CFAP20: variants seen among roughly 807,000 people sequenced by gnomAD.
CFAP20 encodes the protein cilia- and flagella-associated protein 20.
A neutral mutation model predicts 25.5 loss-of-function variants in CFAP20; 14 were observed. That is an observed-to-expected ratio of 0.55 (90% CI 0.36 to 0.86). CFAP20 has a LOEUF of 0.86. Among genes scored for constraint, CFAP20 ranks in the 40% least tolerant of loss-of-function variants. The probability of loss-of-function intolerance (pLI) is 0.01; values close to 1 mark genes in which losing one functional copy is unlikely to be tolerated. For synonymous variants in CFAP20, 75 were observed against 91.1 expected (o/e 0.82, Z 1.01); for missense variants, 181 against 248.0 (o/e 0.73, Z 1.81).
chr16:58,129,182 C>G lies in CFAP20; in HGVS notation c.-67G>C. 1 of 1,547,312 alleles carries G rather than the reference C, an allele frequency of 6.5e-7. No homozygotes were observed. Among genetic ancestry groups the G allele is most frequent in the Non-Finnish European group, 8.8e-7 (1 of 1,131,704 alleles). The stretch of plus-strand genomic sequence containing the variant: ...TAGGCCCCGGAGTAGATACAGGCAC[C>G]GAGCGTCGAGGGCACAGCAGCAGGC... On this transcript the variant is annotated 5_prime_UTR_variant, in exon 1 of 6. Coordinates refer to ENST00000262498, the MANE Select transcript of CFAP20 (RefSeq NM_013242.3).
chr16:58,114,040 A>G lies in CFAP20; in HGVS notation c.577-10T>C. Reference sequence around the variant, plus strand: ...ACAATTCCAGTTATTGCTGAAGGGAAAAAACAGAGAAGTGGCATCAGTTTA... The same window carrying G: ...ACAATTCCAGTTATTGCTGAAGGGAGAAAACAGAGAAGTGGCATCAGTTTA... On this transcript the variant is annotated splice_polypyrimidine_tract_variant and intron_variant, in intron 5 of 5. Transcript: ENST00000262498. 3 of 1,613,576 alleles carry G rather than the reference A, an allele frequency of 1.9e-6. No individual in the cohort carries two copies. Among genetic ancestry groups the G allele is most frequent in the Non-Finnish European group, 2.5e-6 (3 of 1,179,472 alleles).
chr16:58,115,629 G>T (rs1960447330), intron 3 of CFAP20, 172 bp from the exon 4 acceptor site: 1 of 712,458 alleles, frequency 1.4e-6, no homozygotes, highest in African/African-American at 1.8e-5. Flanking sequence ...CCCGGAAGTA[G>T]CAAGTTTATC....
intron 5 of CFAP20, among the ~76,000 whole-genome samples, 158 bp downstream of exon 5, chr16:58,114,652 T>A (rs1960432595): frequency 6.6e-6 from 1 of 152,142 alleles, no homozygotes; most frequent in Admixed American, 6.5e-5. Context: ...CATTCCTGAT[T>A]CAGTGCTGGA....
intron 1 of CFAP20, among the ~76,000 whole-genome samples, chr16:58,124,004 TG>T (rs1960575649): frequency 6.6e-6 from 1 of 151,480 alleles, no homozygotes; most frequent in South Asian, 2.1e-4. Flanking sequence ...GCTTGTGGGG[TG>T]GTGAGGGGCA....
At position 58,116,045 on chromosome 16, in the gene CFAP20, A is replaced by G; in HGVS notation, c.272T>C (p.Val91Ala). The part of the protein sequence containing the change: ...KNLKKYFTFE[V>A]QVLDDKNVRR... ...CATTCATGTACACATACTTACCTGC[A>G]CTTCGAAGGTAAAATACTTCTTCAG... is the stretch of plus-strand genomic sequence containing the variant. Residue 91 changes from valine (V) to alanine (A), a missense_variant, in exon 3 of 6, where the codon GTG becomes GCG. Transcript: ENST00000262498. 1 of 1,597,040 alleles carries G rather than the reference A, an allele frequency of 6.3e-7. No homozygotes were observed. Among genetic ancestry groups the G allele is most frequent in the Non-Finnish European group, 8.6e-7 (1 of 1,164,546 alleles).
At chr16:58,114,406 A>G (rs1960427845) in intron 5 of CFAP20, among the ~76,000 whole-genome samples, 1 of 152,082 alleles carries the variant, frequency 6.6e-6, no homozygotes, top group African/African-American at 2.4e-5. Flanking sequence ...GGCGCCTGTA[A>G]TCCCAGCTAC....
At chr16:58,128,143 T>C (rs540066033) in intron 1 of CFAP20, among the ~76,000 whole-genome samples, 1 of 152,314 alleles carries the variant, frequency 6.6e-6, no homozygotes, top group South Asian at 2.1e-4. Context: ...GGAATTTGCA[T>C]GAAGAACGAA....
chr16:58,116,813 T>G (rs978977136), intron 2 of CFAP20, 59 bp downstream of exon 2: 2 of 1,496,424 alleles, frequency 1.3e-6, no homozygotes, highest in African/African-American at 2.8e-5. Flanking sequence ...TATTAACCTC[T>G]ATGACGTACT....
intron 1 of CFAP20, among the ~76,000 whole-genome samples, chr16:58,122,722 T>C (rs1960550963): frequency 6.6e-6 from 1 of 152,242 alleles, no homozygotes; most frequent in Non-Finnish European, 1.5e-5. Flanking sequence ...ATTCTACTAC[T>C]GAAAACAGCA....
chr16:58,117,337 G>A (rs749667718), intron 1 of CFAP20, among the ~76,000 whole-genome samples: 1 of 152,194 alleles, frequency 6.6e-6, no homozygotes, highest in Non-Finnish European at 1.5e-5. Context: ...TTGGCACCCC[G>A]GAACTGCAAA....
Position 58,114,929 on chromosome 16 carries a change from G to C in CFAP20, c.466-9C>G, listed in dbSNP as rs778788618. 2 of 1,601,070 alleles carry C rather than the reference G, an allele frequency of 1.2e-6. No homozygotes were observed. Among genetic ancestry groups the C allele is most frequent in the African/African-American group, 1.3e-5 (1 of 74,600 alleles). On this transcript the variant is annotated splice_polypyrimidine_tract_variant and intron_variant, in intron 4 of 5. Transcript: ENST00000262498. ...CGACAATTTGCATGGATCTGTCAAG[G>C]CAATGCTTCTTTTGAGAGGCGAAAT...
At chr16:58,115,136 G>T in intron 4 of CFAP20, 133 bp downstream of exon 4, 3 of 1,311,964 alleles carry the variant, frequency 2.3e-6, no homozygotes, top group Non-Finnish European at 3.3e-6. Context: ...CCTTTGTGAG[G>T]CCAAAGCTCC....
At chr16:58,119,334 T>C (rs1315576213) in intron 1 of CFAP20, 1 of 152,256 alleles carries the variant, frequency 6.6e-6, no homozygotes, top group Non-Finnish European at 1.5e-5. Context: ...CTTAGCACAG[T>C]GCTAGCCATA....
rs552665038 is a variant in CFAP20 at position 58,127,342 on chromosome 16, G to A, written c.84+1690C>T. On this transcript the variant is annotated intron_variant, in intron 1 of 5. Transcript: ENST00000262498. ...ACTGGAATTCTTTCAGCTTTAGTAA[G>A]TTCTCTATCTGCTCTGAAAACCTCT... 2.6e-5 allele frequency among the ~76,000 whole-genome samples: 4 copies of A among 152,328 alleles called. No individual in the cohort carries two copies. In the East Asian group the frequency reaches 7.7e-4, roughly 29 times the overall value.
chr16:58,121,981 A>G (rs1186335369), intron 1 of CFAP20, among the ~76,000 whole-genome samples: 1 of 152,224 alleles, frequency 6.6e-6, no homozygotes, highest in Non-Finnish European at 1.5e-5. Context: ...TCCTAGCTTT[A>G]ATGACACATG....
In CFAP20 at chr16:58,115,274, C is replaced by T. The variant is rs1960442289; in HGVS notation, c.460G>A (p.Val154Met). 1 of 1,614,054 alleles carries T rather than the reference C, an allele frequency of 6.2e-7. No homozygotes were observed. Among genetic ancestry groups the T allele is most frequent in the South Asian group, 1.1e-5 (1 of 91,078 alleles). ...YGTNYIETLR[V>M]QIHANCRIRR... The stretch of plus-strand genomic sequence containing the variant: ...ATCTGGGAAAGGAGCAGTACCTGCA[C>T]TCTGAGGGTCTCGATGTAATTGGTG... The change falls in exon 4 of 6, where the codon GTG becomes ATG. Residue 154 changes from valine to methionine, a missense_variant. Val to Met is a conservative substitution (Grantham distance 21). Transcript: ENST00000262498.
chr16:58,127,559 T>C (rs138825829), intron 1 of CFAP20, among the ~76,000 whole-genome samples: 2 of 152,330 alleles, frequency 1.3e-5, no homozygotes, highest in African/African-American at 4.8e-5. Flanking sequence ...GCTCTCTTTG[T>C]ACAGATGCAA....
rs3743576 is a variant in CFAP20, at chr16:58,129,352, T to C, written c.-237A>G. On this transcript the variant is annotated 5_prime_UTR_variant, in exon 1 of 6. Coordinates refer to ENST00000262498, the MANE Select transcript of CFAP20 (RefSeq NM_013242.3). ...AGAACGGAAACCACAGCAACTACCG[T>C]CCGCGCCGCGGTATTTCCCCGCCTT... is the stretch of plus-strand genomic sequence containing the variant. 17,441 of 492,696 alleles carry C rather than the reference T, an allele frequency of 0.035. 480 individuals carry two copies. The highest frequency in any genetic ancestry group is 0.11 in the East Asian group (3,250 of 30,474). The allele number at this position is 492,696 out of a possible 1,614,324, so 30.5% of individuals were successfully genotyped here. A position where few individuals can be genotyped will look rare whatever the true frequency, so the allele number is the denominator to read the frequency against.
Position 58,114,864 on chromosome 16 carries a change from T to G in CFAP20, c.522A>C (p.Glu174Asp), listed in dbSNP as rs1352146095. The G allele has an allele frequency of 6.2e-7, 1 of 1,614,046 alleles. No individual in the cohort carries two copies. The highest frequency in any genetic ancestry group is 8.5e-7 in the Non-Finnish European group (1 of 1,180,030). The change falls in exon 5 of 6, where the codon GAA becomes GAC. Residue 174 changes from glutamate (E) to aspartate (D), a missense_variant. Coordinates refer to ENST00000262498, the MANE Select transcript of CFAP20 (RefSeq NM_013242.3). ...GTTTGAACTCTGCCGGCAGCTCATC[T>G]TCTGAGTAGAGTCTGTCTGAGAAGT... ...RVYFSDRLYS[E>D]DELPAEFKLY...
Sources: allele counts gnomAD v4.1 joint callset (sites outside exome capture counted in the v4.1 genomes callset), GRCh38; gene constraint gnomAD v4.1.1; transcripts MANE v1.5; gene names NCBI Gene and HGNC (gene_info 2026-07-23, HGNC 2026-07-21).